PLXDC2: variants seen among roughly 807,000 people sequenced by gnomAD.
The protein encoded by PLXDC2 is plexin domain-containing protein 2.
A neutral mutation model predicts 68.9 loss-of-function variants in PLXDC2; 40 were observed. The observed-to-expected ratio is 0.58, with a 90% confidence interval of 0.45 to 0.76. The LOEUF is 0.76. PLXDC2 is among the 30% of genes least tolerant of loss of function. PLXDC2 has a pLI of 0.00. For synonymous variants in PLXDC2, 243 were observed against 234.2 expected, an observed-to-expected ratio of 1.04 and a Z score of -0.34; for missense variants, 644 against 661.9, an observed-to-expected ratio of 0.97 and a Z score of 0.30.
chr10:20,000,940 C>T (rs925012381), intron 1 of PLXDC2, among the ~76,000 whole-genome samples: 9 of 152,206 alleles, frequency 5.9e-5, no homozygotes, highest in Admixed American at 1.3e-4. Flanking sequence ...CTTTCCCCTG[C>T]TGACCTACTG....
At chr10:19,907,861 C>T (rs1184550072) in intron 1 of PLXDC2, among the ~76,000 whole-genome samples, 1 of 152,290 alleles carries the variant, frequency 6.6e-6, no homozygotes, top group African/African-American at 2.4e-5. Flanking sequence ...ACCTCACGCA[C>T]ACACCTCTCA....
chr10:19,880,475 A>C (rs1035846923), intron 1 of PLXDC2, among the ~76,000 whole-genome samples: 5 of 152,214 alleles, frequency 3.3e-5, no homozygotes, highest in Admixed American at 3.3e-4. Flanking sequence ...AGTTATATAA[A>C]TGTGCAATCT....
intron 3 of PLXDC2, among the ~76,000 whole-genome samples, chr10:20,054,619 C>T (rs1380270497): frequency 1.3e-5 from 2 of 151,906 alleles, no homozygotes; most frequent in Admixed American, 6.6e-5. Context: ...AACCAAACAC[C>T]GCATGTTCTC....
chr10:19,895,091 G>A (rs993190531), intron 1 of PLXDC2, among the ~76,000 whole-genome samples: 1 of 152,194 alleles, frequency 6.6e-6, no homozygotes, highest in African/African-American at 2.4e-5. Flanking sequence ...GGAATACTAT[G>A]CAGCCATAAA....
At chr10:19,878,052 A>T (rs1837665316) in intron 1 of PLXDC2, among the ~76,000 whole-genome samples, 1 of 152,262 alleles carries the variant, frequency 6.6e-6, no homozygotes, top group South Asian at 2.1e-4. Flanking sequence ...TTGAGCAAGA[A>T]AGAATTTGTC....
chr10:20,001,723 A>G (rs1409345), intron 1 of PLXDC2, 52 bp from the exon 2 acceptor site: 8 of 1,534,980 alleles, frequency 5.2e-6, no homozygotes, highest in Non-Finnish European at 4.5e-6. Flanking sequence ...TAGCACTTGC[A>G]TGTATGGTAC....
chr10:20,278,365 T>C (rs1194481827), intron 13 of PLXDC2, among the ~76,000 whole-genome samples: 1 of 152,150 alleles, frequency 6.6e-6, no homozygotes, highest in African/African-American at 2.4e-5. Flanking sequence ...CAAACAGGCA[T>C]AACCATGAGT....
intron 4 of PLXDC2, among the ~76,000 whole-genome samples, chr10:20,099,954 CA>C (rs1164520944): frequency 6.6e-6 from 1 of 151,962 alleles, no homozygotes; most frequent in Admixed American, 6.6e-5. Context: ...ATTAGTGACA[CA>C]AAAGAAAAAT....
At chr10:19,862,648 T>A (rs10508596) in intron 1 of PLXDC2, among the ~76,000 whole-genome samples, 88,255 of 152,060 alleles carry the variant, frequency 0.58, 25,720 homozygotes, top group East Asian at 0.7. Flanking sequence ...GACATTTATA[T>A]TACCTACACT....
intron 1 of PLXDC2, among the ~76,000 whole-genome samples, chr10:19,900,451 A>G (rs1002080487): frequency 2.0e-5 from 3 of 152,114 alleles, no homozygotes; most frequent in African/African-American, 7.2e-5. Flanking sequence ...AAAAGGAACA[A>G]AATTTTTCCT....
chr10:20,129,023 C>T (rs1833829648), intron 4 of PLXDC2, among the ~76,000 whole-genome samples: 1 of 152,096 alleles, frequency 6.6e-6, no homozygotes, highest in Non-Finnish European at 1.5e-5. Context: ...CTTTATCATA[C>T]AGTAGTTCCA....
chr10:19,898,168 A>T, intron 1 of PLXDC2, among the ~76,000 whole-genome samples: 1 of 152,082 alleles, frequency 6.6e-6, no homozygotes, highest in East Asian at 1.9e-4. Context: ...AAGCTAGTTT[A>T]TTTTTTATTT....
intron 6 of PLXDC2, among the ~76,000 whole-genome samples, chr10:20,162,205 T>A (rs1307274607): frequency 6.6e-6 from 1 of 151,872 alleles, no homozygotes; most frequent in Non-Finnish European, 1.5e-5. Flanking sequence ...AAAGGTGGAA[T>A]GCATAATCTG....
Position 20,066,176 on chromosome 10 carries a change from G to C in PLXDC2, c.472-1994G>C, listed in dbSNP as rs549227927. ...GAAAACTGGTCATTTCAATAGGGGA[G>C]CATTTCAGTCACTGGTGTTGCTCTT... On this transcript the variant is annotated intron_variant, in intron 3 of 13. Transcript: ENST00000377252. Among the ~76,000 whole-genome samples the C allele has an allele frequency of 1.4e-4, 22 of 152,326 alleles. No homozygotes were observed. The South Asian group carries it at 4.3e-3, about 30-fold the overall frequency.
At chr10:20,209,414 A>C (rs543804799) in intron 9 of PLXDC2, among the ~76,000 whole-genome samples, 9 of 152,150 alleles carry the variant, frequency 5.9e-5, no homozygotes, top group African/African-American at 1.9e-4. Context: ...GAGGGATAGC[A>C]TTAGGAGATA....
intron 12 of PLXDC2, among the ~76,000 whole-genome samples, chr10:20,237,621 A>C (rs1438326656): frequency 1.3e-5 from 2 of 152,232 alleles, no homozygotes; most frequent in Non-Finnish European, 2.9e-5. Context: ...TGGGTTAGGT[A>C]CTGTTCCATG....
intron 13 of PLXDC2, among the ~76,000 whole-genome samples, chr10:20,260,009 A>T (rs7913908): frequency 0.28 from 41,908 of 152,046 alleles, 6,297 homozygotes; most frequent in African/African-American, 0.4. Context: ...ACCATCGTAT[A>T]TGTCTTAATG....
At chr10:20,129,590 A>C (rs112473289) in intron 4 of PLXDC2, among the ~76,000 whole-genome samples, 4,355 of 120,938 alleles carry the variant, frequency 0.036, 89 homozygotes, top group Middle Eastern at 0.095. Flanking sequence ...TGTAGCCCAG[A>C]TCAATGTCAG....
At chr10:19,981,391 T>C (rs1272947532) in intron 1 of PLXDC2, among the ~76,000 whole-genome samples, 1 of 152,186 alleles carries the variant, frequency 6.6e-6, no homozygotes, top group African/African-American at 2.4e-5. Flanking sequence ...ACTAAAGTCT[T>C]GATACATGGG....
Sources: allele counts gnomAD v4.1 joint callset (sites outside exome capture counted in the v4.1 genomes callset), GRCh38; gene constraint gnomAD v4.1.1; transcripts MANE v1.5; gene names NCBI Gene and HGNC (gene_info 2026-07-23, HGNC 2026-07-21).